PAPPA2: variants seen among roughly 807,000 people sequenced by gnomAD.
PAPPA2 encodes pappalysin-2.
Under a neutral mutation model 176.4 loss-of-function variants are expected in PAPPA2, and 86 were observed. That is an observed-to-expected ratio of 0.49 (90% CI 0.41 to 0.58). PAPPA2 has a LOEUF of 0.58. PAPPA2 is among the 20% of genes least tolerant of loss of function. PAPPA2 has a pLI of 0.00. For synonymous variants in PAPPA2, 809 were observed against 852.2 expected, an observed-to-expected ratio of 0.95 and a Z score of 0.88; for missense variants, 2,073 against 2,256.9, an observed-to-expected ratio of 0.92 and a Z score of 1.65.
intron 21 of PAPPA2, among the ~76,000 whole-genome samples, chr1:176,806,280 A>G (rs1473041270): frequency 1.3e-5 from 2 of 152,008 alleles, no homozygotes; most frequent in Non-Finnish European, 2.9e-5. Context: ...TAGTCTACCA[A>G]CTCCTGAGTG....
chr1:176,703,600 A>G (rs908879385), intron 9 of PAPPA2, among the ~76,000 whole-genome samples: 4 of 152,240 alleles, frequency 2.6e-5, no homozygotes, highest in African/African-American at 9.6e-5. Context: ...GTGAAAATAT[A>G]TCGTATATTG....
At chr1:176,633,157 C>T (rs1032154968) in intron 3 of PAPPA2, among the ~76,000 whole-genome samples, 5 of 152,210 alleles carry the variant, frequency 3.3e-5, no homozygotes, top group African/African-American at 7.2e-5. Flanking sequence ...GCATGAGGAG[C>T]GGCAGTCAGA....
intron 14 of PAPPA2, among the ~76,000 whole-genome samples, chr1:176,749,768 C>T (rs752007826): frequency 4.6e-5 from 7 of 152,184 alleles, no homozygotes; most frequent in African/African-American, 9.7e-5. Context: ...TTGTTATATG[C>T]ATTTAAGTTT....
intron 1 of PAPPA2, among the ~76,000 whole-genome samples, chr1:176,470,312 C>T (rs1382103977): frequency 6.6e-6 from 1 of 152,160 alleles, no homozygotes; most frequent in Non-Finnish European, 1.5e-5. Context: ...AGCTATTTCT[C>T]TGCTTTTCAG....
chr1:176,612,781 G>A (rs1655003932), intron 3 of PAPPA2, among the ~76,000 whole-genome samples: 2 of 152,140 alleles, frequency 1.3e-5, no homozygotes, highest in Non-Finnish European at 2.9e-5. Context: ...CAAGAAAAAG[G>A]CCACTTTATG....
Position 176,770,662 on chromosome 1 carries a change from T to C in PAPPA2, c.4502-305T>C, listed in dbSNP as rs184909764. Among the ~76,000 whole-genome samples the C allele has an allele frequency of 6.6e-5, 10 of 152,356 alleles. No homozygotes were observed. In the East Asian group the frequency reaches 1.9e-3, roughly 29 times the overall value. On this transcript the variant is annotated intron_variant, in intron 16 of 22. Coordinates refer to ENST00000367662, the MANE Select transcript of PAPPA2 (RefSeq NM_020318.3). ...TTAATGCTTTCTATGATAACATCACTGCTATATTTTTATTATATGTAGGTA... is the reference window on the plus strand; with the variant it reads ...TTAATGCTTTCTATGATAACATCACCGCTATATTTTTATTATATGTAGGTA...
At chr1:176,816,253 A>ATATATGTATG (rs1553209488) in intron 21 of PAPPA2, among the ~76,000 whole-genome samples, 1 of 138,124 alleles carries the variant, frequency 7.2e-6, no homozygotes, top group African/African-American at 2.8e-5. Context: ...ATATATATAT[A>ATATATGTATG]TATGTATGTA....
chr1:176,524,426 A>G (rs1212721514), intron 1 of PAPPA2, among the ~76,000 whole-genome samples: 1 of 152,194 alleles, frequency 6.6e-6, no homozygotes, highest in East Asian at 1.9e-4. Context: ...TTTTTCTTAA[A>G]TTTTCAAAGA....
rs574076920 is a variant in PAPPA2 at position 176,741,241 on chromosome 1, T to G, written c.4151+1045T>G. ...TTGTAGTCAGGCTGTTGGCCAAGGCTGTAGTTACTCAAACCTCAAGCAGAG... is the reference window on the plus strand; with the variant it reads ...TTGTAGTCAGGCTGTTGGCCAAGGCGGTAGTTACTCAAACCTCAAGCAGAG... On this transcript the variant is annotated intron_variant, in intron 14 of 22. Coordinates refer to ENST00000367662, the MANE Select transcript of PAPPA2 (RefSeq NM_020318.3). Among the ~76,000 whole-genome samples, 5 of 152,302 alleles carry G rather than the reference T, an allele frequency of 3.3e-5. No homozygotes were observed. In the South Asian group the frequency reaches 1.0e-3, roughly 32 times the overall value.
At chr1:176,732,153 T>C (rs1189859354) in intron 12 of PAPPA2, among the ~76,000 whole-genome samples, 1 of 152,162 alleles carries the variant, frequency 6.6e-6, no homozygotes, top group Non-Finnish European at 1.5e-5. Context: ...AATCACTACT[T>C]TGGATTATTT....
At chr1:176,712,280 C>T (rs181399986) in intron 12 of PAPPA2, among the ~76,000 whole-genome samples, 43 of 152,248 alleles carry the variant, frequency 2.8e-4, no homozygotes, top group Non-Finnish European at 5.3e-4. Flanking sequence ...CTAATCACAA[C>T]ATAGATCAAG....
At chr1:176,645,848 A>G (rs1459859057) in intron 3 of PAPPA2, among the ~76,000 whole-genome samples, 1 of 151,610 alleles carries the variant, frequency 6.6e-6, no homozygotes, top group Non-Finnish European at 1.5e-5. Context: ...TGTGATGTTG[A>G]GCATTTTTTT....
chr1:176,531,232 T>G (rs370640241), intron 1 of PAPPA2, among the ~76,000 whole-genome samples: 5 of 152,200 alleles, frequency 3.3e-5, no homozygotes, highest in African/African-American at 1.2e-4. Flanking sequence ...AGCTCTTCAT[T>G]AATGTTGATG....
At chr1:176,534,808 G>C (rs890320912) in intron 1 of PAPPA2, among the ~76,000 whole-genome samples, 11 of 152,190 alleles carry the variant, frequency 7.2e-5, no homozygotes, top group African/African-American at 2.7e-4. Flanking sequence ...GAAGTATATA[G>C]AGATGTGGCT....
chr1:176,690,006 G>A, intron 4 of PAPPA2, 131 bp from the exon 5 acceptor site: 1 of 804,428 alleles, frequency 1.2e-6, no homozygotes, highest in Non-Finnish European at 2.0e-6. Context: ...ATGACTGTAT[G>A]TTACCAGAAG....
At chr1:176,782,000 C>A (rs1006223743) in intron 17 of PAPPA2, among the ~76,000 whole-genome samples, 1 of 152,210 alleles carries the variant, frequency 6.6e-6, no homozygotes, top group East Asian at 1.9e-4. Flanking sequence ...CTTACATCTT[C>A]TTTTTAGGGA....
chr1:176,594,373 C>T, intron 2 of PAPPA2, 151 bp from the exon 3 acceptor site: 1 of 660,382 alleles, frequency 1.5e-6, no homozygotes, highest in Admixed American at 2.9e-5. Flanking sequence ...GGGATATGAG[C>T]AGGCATCTCA....
At chr1:176,518,729 A>G (rs1442846185) in intron 1 of PAPPA2, among the ~76,000 whole-genome samples, 1 of 152,204 alleles carries the variant, frequency 6.6e-6, no homozygotes, top group Non-Finnish European at 1.5e-5. Context: ...AGTGTTGGTG[A>G]AAACAAATCA....
intron 16 of PAPPA2, 24 bp downstream of exon 16, chr1:176,769,808 T>C (rs751057579): frequency 3.1e-5 from 49 of 1,565,582 alleles, no homozygotes; most frequent in African/African-American, 4.1e-5. Flanking sequence ...AACCAGGAAC[T>C]GTATGCAAGT....
Sources: gnomAD v4.1 joint callset for allele counts (sites outside exome capture counted in the v4.1 genomes callset) on GRCh38, gnomAD v4.1.1 for gene constraint, MANE v1.5 for transcripts, NCBI Gene and HGNC (gene_info 2026-07-23, HGNC 2026-07-21) for gene names.